The following COL28A1 variants were observed in gnomAD, a reference collection of about 807,000 sequenced individuals.
COL28A1 encodes collagen type XXVIII alpha 1 chain, also known as collagen alpha-1(XXVIII) chain.
COL28A1 carries 161 observed loss-of-function variants against 150.2 expected under a neutral mutation model. The observed-to-expected ratio is 1.07, with a 90% confidence interval of 0.94 to 1.22. COL28A1 has a LOEUF of 1.22. Among genes scored for constraint, COL28A1 ranks in the 50% most tolerant of loss-of-function variants. COL28A1 has a pLI of 0.00. For missense variants in COL28A1, 1,617 were observed against 1,388.3 expected, an observed-to-expected ratio of 1.16 and a Z score of -2.62; for synonymous variants, 552 against 469.7, an observed-to-expected ratio of 1.18 and a Z score of -2.26.
chr7:7,362,040 G>T (rs1468315108), intron 33 of COL28A1, among the ~76,000 whole-genome samples: 2 of 152,082 alleles, frequency 1.3e-5, no homozygotes, highest in African/African-American at 4.8e-5. Context: ...GTGGGTGGGG[G>T]CCTAGGGCAA....
At chr7:7,389,189 G>T (rs1035300739) in intron 27 of COL28A1, among the ~76,000 whole-genome samples, 4 of 152,084 alleles carry the variant, frequency 2.6e-5, no homozygotes, top group Admixed American at 1.3e-4. Flanking sequence ...GTGTAAGGAA[G>T]GGGTCCAGTT....
At chr7:7,515,188 GA>G in intron 8 of COL28A1, among the ~76,000 whole-genome samples, 1 of 152,298 alleles carries the variant, frequency 6.6e-6, no homozygotes, top group South Asian at 2.1e-4. Flanking sequence ...ACTTATCAAT[GA>G]ACCAGTGAGC....
chr7:7,504,601 A>G lies in COL28A1; in HGVS notation c.1026+1413T>C, dbSNP rs143886995. Among the ~76,000 whole-genome samples the G allele has an allele frequency of 4.6e-5, 7 of 152,324 alleles. No homozygotes were observed. The East Asian group carries it at 1.4e-3, about 29-fold the overall frequency. On this transcript the variant is annotated intron_variant, in intron 11 of 34. Coordinates refer to ENST00000399429, the MANE Select transcript of COL28A1 (RefSeq NM_001037763.3). ...ACCACAACTGCCAGCCACGACCTGC[A>G]TCACCCAAAGCTGCAGGCACTATTT...
intron 27 of COL28A1, among the ~76,000 whole-genome samples, chr7:7,413,964 C>T (rs984292853): frequency 6.6e-6 from 1 of 152,186 alleles, no homozygotes; most frequent in African/African-American, 2.4e-5. Flanking sequence ...ATAAGGACTT[C>T]TGGGTCCTCT....
At chr7:7,359,705 G>T (rs986049053) in intron 34 of COL28A1, among the ~76,000 whole-genome samples, 2 of 152,122 alleles carry the variant, frequency 1.3e-5, no homozygotes, top group African/African-American at 2.4e-5. Context: ...CATTTTCCCA[G>T]ATTTGGGGTA....
intron 11 of COL28A1, among the ~76,000 whole-genome samples, chr7:7,499,362 G>C (rs962274356): frequency 6.6e-6 from 1 of 152,156 alleles, no homozygotes; most frequent in African/African-American, 2.4e-5. Context: ...AGAAGAACCA[G>C]AAAGCAAATT....
rs151162353 is a variant in COL28A1 at position 7,471,910 on chromosome 7, G to C, written c.1302+2691C>G. On this transcript the variant is annotated intron_variant, in intron 15 of 34. Coordinates refer to ENST00000399429, the MANE Select transcript of COL28A1 (RefSeq NM_001037763.3). ...ACCCTGCCTCAAAAAAACAAAACAA[G>C]AAACAAAAATCACATGATGATCTCA... Among the ~76,000 whole-genome samples the C allele has an allele frequency of 4.7e-3, 709 of 152,024 alleles. 5 individuals are homozygous for C. The highest frequency in any genetic ancestry group is 0.022 in the East Asian group (115 of 5,158).
At position 7,437,510 on chromosome 7, in the gene COL28A1, T is replaced by C. The variant is rs1023434353; in HGVS notation, c.1723-48A>G. On this transcript the variant is annotated intron_variant, in intron 21 of 34. Coordinates refer to ENST00000399429, the MANE Select transcript of COL28A1 (RefSeq NM_001037763.3). ...CTACATTTCAAGCAGAGAAAGCACATATAGAGACAATATTAAGAAAAGTAC... is the reference window on the plus strand; with the variant it reads ...CTACATTTCAAGCAGAGAAAGCACACATAGAGACAATATTAAGAAAAGTAC... 7 of 1,585,314 alleles carry C rather than the reference T, an allele frequency of 4.4e-6. No homozygotes were observed. The Admixed American group carries it at 7.5e-5, about 17-fold the overall frequency.
chr7:7,496,259 T>G lies in COL28A1; in HGVS notation c.1027-5613A>C, dbSNP rs190736431. Among the ~76,000 whole-genome samples the G allele has an allele frequency of 4.0e-3, 606 of 152,356 alleles. 3 individuals carry two copies. The highest frequency in any genetic ancestry group is 7.2e-3 in the Non-Finnish European group (492 of 68,038). ...ACTGTGGGGATGATGCATATGATTT[T>G]GTTCAGCTTTGCATTCTCAGTGTTT... is the stretch of plus-strand genomic sequence containing the variant. On this transcript the variant is annotated intron_variant, in intron 11 of 34. Transcript: ENST00000399429.
chr7:7,450,880 CAAAT>C (rs1254462359), intron 18 of COL28A1, among the ~76,000 whole-genome samples: 2 of 151,980 alleles, frequency 1.3e-5, no homozygotes, highest in East Asian at 1.9e-4. Flanking sequence ...TACAAAAACA[CAAAT>C]AAAACATAAG....
intron 27 of COL28A1, among the ~76,000 whole-genome samples, chr7:7,394,953 G>A (rs1224610686): frequency 1.3e-5 from 2 of 152,142 alleles, no homozygotes; most frequent in Non-Finnish European, 2.9e-5. Context: ...TTGGATTTCG[G>A]CACTTGCTCA....
chr7:7,457,450 G>T (rs937099492), intron 15 of COL28A1, among the ~76,000 whole-genome samples: 2 of 152,148 alleles, frequency 1.3e-5, no homozygotes, highest in African/African-American at 4.8e-5. Flanking sequence ...GAAAAGCAAG[G>T]TTTGAGGTGG....
intron 34 of COL28A1, 37 bp from the exon 35 acceptor site, chr7:7,358,842 C>T (rs1780473031): frequency 1.3e-6 from 2 of 1,542,982 alleles, no homozygotes; most frequent in Admixed American, 1.9e-5. Flanking sequence ...ACGGATTTTT[C>T]TTATACTGAA....
At chr7:7,352,131 G>A (rs997704928), downstream of COL28A1, among the ~76,000 whole-genome samples, 6 of 151,996 alleles carry the variant, frequency 3.9e-5, no homozygotes, top group African/African-American at 1.5e-4. Flanking sequence ...TTGTTTTTTG[G>A]TTTGTTTGTT....
intron 25 of COL28A1, among the ~76,000 whole-genome samples, chr7:7,422,210 T>C (rs932092143): frequency 2.6e-5 from 4 of 152,184 alleles, no homozygotes; most frequent in African/African-American, 9.6e-5. Context: ...CCCAAAATCA[T>C]CGAAAGTTTC....
At chr7:7,471,413 C>T (rs1016074209) in intron 15 of COL28A1, among the ~76,000 whole-genome samples, 4 of 152,078 alleles carry the variant, frequency 2.6e-5, no homozygotes, top group African/African-American at 7.2e-5. Flanking sequence ...AAGGACATAA[C>T]CAAAAGAGAA....
At position 7,511,650 on chromosome 7, in the gene COL28A1, A is replaced by G. The variant is rs367870882; in HGVS notation, c.883-515T>C. 473 of 402,008 alleles carry G rather than the reference A, an allele frequency of 1.2e-3. 11 individuals are homozygous for G. Among genetic ancestry groups the G allele is most frequent in the South Asian group, 8.7e-3 (458 of 52,884 alleles). 24.9% of individuals were successfully genotyped at this position (402,008 alleles called of 1,614,324 possible). On this transcript the variant is annotated intron_variant, in intron 8 of 34. Coordinates refer to ENST00000399429, the MANE Select transcript of COL28A1 (RefSeq NM_001037763.3). ...ACACCATGCTTCAGCCTGAGTACCAACCTTGACCACCTAGTAGTGTTCACC... is the reference window on the plus strand; with the variant it reads ...ACACCATGCTTCAGCCTGAGTACCAGCCTTGACCACCTAGTAGTGTTCACC...
In COL28A1 at chr7:7,511,108, C is replaced by G; in HGVS notation, c.910G>C (p.Gly304Arg). ...KGERGECGKP[G>R]IKGDKGSPGP... ...TTCCTTACCTTGTCACCTTTTATCC[C>G]TGGTTTACCACATTCCCCACGTTCA... Residue 304 changes from glycine to arginine, a missense_variant, in exon 9 of 35, where the codon GGG becomes CGG. Physicochemically the swap from Gly to Arg is moderately radical, Grantham distance 125. Coordinates refer to ENST00000399429, the MANE Select transcript of COL28A1 (RefSeq NM_001037763.3). 1.2e-6 allele frequency: 2 copies of G among 1,613,336 alleles called. No homozygotes were observed. Among genetic ancestry groups the G allele is most frequent in the Non-Finnish European group, 1.7e-6 (2 of 1,179,404 alleles).
chr7:7,343,369 A>G, the COL28A1 span, among the ~76,000 whole-genome samples: 1 of 151,772 alleles, frequency 6.6e-6, no homozygotes, highest in East Asian at 1.9e-4. Context: ...TCTAACTTCC[A>G]TGTCTCTTAA....
Sources: gnomAD v4.1 joint callset for allele counts (sites outside exome capture counted in the v4.1 genomes callset) on GRCh38, gnomAD v4.1.1 for gene constraint, MANE v1.5 for transcripts, NCBI Gene and HGNC (gene_info 2026-07-23, HGNC 2026-07-21) for gene names.